The following LRRTM4 variants were observed in gnomAD, a reference collection of about 807,000 sequenced individuals.
LRRTM4 encodes the protein leucine rich repeat transmembrane neuronal 4, also known as leucine-rich repeat transmembrane neuronal protein 4.
Under a neutral mutation model 47.6 loss-of-function variants are expected in LRRTM4, and 25 were observed. The ratio of observed to expected loss-of-function variants is 0.53; its 90% CI spans 0.38 to 0.73. LRRTM4 has a LOEUF of 0.73. Ranked by LOEUF, LRRTM4 falls within the 30% of genes least tolerant of loss-of-function variation. The probability of loss-of-function intolerance (pLI) is 0.00; values close to 1 mark genes in which losing one functional copy is unlikely to be tolerated. For synonymous variants in LRRTM4, 311 were observed against 269.5 expected (o/e 1.15, Z -1.51); for missense variants, 638 against 713.4 (o/e 0.89, Z 1.20).
chr2:77,088,713 G>A (rs1680815411), intron 3 of LRRTM4, among the ~76,000 whole-genome samples: 1 of 152,120 alleles, frequency 6.6e-6, no homozygotes, highest in Non-Finnish European at 1.5e-5. Context: ...ACTTCCCCTA[G>A]GAGATCAATC....
intron 3 of LRRTM4, among the ~76,000 whole-genome samples, chr2:77,076,475 T>TA (rs1680341259): frequency 6.6e-6 from 1 of 152,118 alleles, no homozygotes; most frequent in Non-Finnish European, 1.5e-5. Context: ...AAGCAGTGTA[T>TA]AAAAAACAGA....
At chr2:77,060,677 T>C (rs1679757292) in intron 3 of LRRTM4, among the ~76,000 whole-genome samples, 1 of 152,190 alleles carries the variant, frequency 6.6e-6, no homozygotes, top group African/African-American at 2.4e-5. Context: ...TGAATAGCTC[T>C]AGATCTGGAG....
chr2:77,266,073 T>C (rs1274422788), intron 3 of LRRTM4, among the ~76,000 whole-genome samples: 1 of 152,194 alleles, frequency 6.6e-6, no homozygotes, highest in African/African-American at 2.4e-5. Context: ...CAGTCATGCC[T>C]ACTCATTTAC....
intron 2 of LRRTM4, 100 bp downstream of exon 2, chr2:77,521,566 CTT>C (rs1679499977): frequency 2.2e-6 from 3 of 1,371,638 alleles, no homozygotes; most frequent in African/African-American, 1.4e-5. Flanking sequence ...GGCTGCTGCT[CTT>C]TGCCTGTTTC....
At chr2:77,311,536 T>C (rs1677457852) in intron 3 of LRRTM4, among the ~76,000 whole-genome samples, 3 of 152,220 alleles carry the variant, frequency 2.0e-5, no homozygotes, top group Admixed American at 2.0e-4. Flanking sequence ...ATGGCACTAC[T>C]GCCTGTCTCC....
chr2:77,323,883 A>G (rs2104233164), intron 3 of LRRTM4, among the ~76,000 whole-genome samples: 1 of 152,274 alleles, frequency 6.6e-6, no homozygotes, highest in Admixed American at 6.5e-5. Flanking sequence ...TGGGGACAAT[A>G]ATAGTCCCTA....
chr2:77,431,020 C>G (rs2103905189), intron 3 of LRRTM4, among the ~76,000 whole-genome samples: 1 of 148,962 alleles, frequency 6.7e-6, no homozygotes. Flanking sequence ...CCTTTAGACT[C>G]TGGAACTGGC....
At chr2:77,093,991 T>G (rs11900222) in intron 3 of LRRTM4, among the ~76,000 whole-genome samples, 64,894 of 151,440 alleles carry the variant, frequency 0.43, 17,019 homozygotes, top group African/African-American at 0.72. Flanking sequence ...CCTATAAAAC[T>G]GCCCCACCCC....
chr2:77,331,436 T>C (rs1288565557), intron 3 of LRRTM4, among the ~76,000 whole-genome samples: 1 of 152,152 alleles, frequency 6.6e-6, no homozygotes, highest in African/African-American at 2.4e-5. Context: ...ACTCTAAGAA[T>C]TGGACAGGGA....
intron 3 of LRRTM4, among the ~76,000 whole-genome samples, chr2:77,304,292 GTTAT>G (rs150436926): frequency 0.029 from 4,438 of 152,062 alleles, 211 homozygotes; most frequent in African/African-American, 0.1. Context: ...TTAAAATCAG[GTTAT>G]TTGACTTCTT....
At chr2:77,238,600 G>T (rs1175292540) in intron 3 of LRRTM4, among the ~76,000 whole-genome samples, 1 of 151,990 alleles carries the variant, frequency 6.6e-6, no homozygotes, top group Non-Finnish European at 1.5e-5. Flanking sequence ...ACAGCACGCC[G>T]AGAGATACAT....
chr2:77,349,461 C>T (rs998077879), intron 3 of LRRTM4, among the ~76,000 whole-genome samples: 2 of 151,970 alleles, frequency 1.3e-5, no homozygotes, highest in African/African-American at 4.8e-5. Flanking sequence ...GGAAGTGATA[C>T]TATACTACTG....
intron 3 of LRRTM4, among the ~76,000 whole-genome samples, chr2:77,425,176 A>T (rs1675057471): frequency 8.7e-6 from 1 of 114,652 alleles, no homozygotes; most frequent in African/African-American, 4.2e-5. Flanking sequence ...TTCAGAGTAA[A>T]CCAACATCTG....
chr2:76,976,912 T>G (rs765950502), intron 3 of LRRTM4, among the ~76,000 whole-genome samples: 34 of 151,862 alleles, frequency 2.2e-4, no homozygotes, highest in Non-Finnish European at 4.1e-4. Flanking sequence ...ATTTGATCAT[T>G]AAACATTGTA....
In LRRTM4 at chr2:77,456,992, A is replaced by G. The variant is rs1039202968; in HGVS notation, c.1551+61326T>C. Among the ~76,000 whole-genome samples the G allele has an allele frequency of 1.2e-3, 144 of 123,418 alleles. 1 individual carries two copies. The highest frequency in any genetic ancestry group is 7.8e-4 in the Non-Finnish European group (47 of 60,286). The allele number at this position is 123,418 out of a possible 152,430, so 81.0% of individuals were successfully genotyped here. A position where few individuals can be genotyped will look rare whatever the true frequency, so the allele number is the denominator to read the frequency against. Reference sequence around the variant, plus strand: ...ATATTATAAATGTATATATTAGTGTATGTGTGTGTGTGTATATATATATAT... The same window carrying G: ...ATATTATAAATGTATATATTAGTGTGTGTGTGTGTGTGTATATATATATAT... On this transcript the variant is annotated intron_variant, in intron 3 of 3. Transcript: ENST00000409884.
chr2:76,867,283 T>G (rs1036449248), intron 3 of LRRTM4, among the ~76,000 whole-genome samples: 1 of 152,122 alleles, frequency 6.6e-6, no homozygotes, highest in Admixed American at 6.6e-5. Context: ...CATTAGGATG[T>G]GGTGTGGTGC....
chr2:76,944,338 T>C lies in LRRTM4; in HGVS notation c.1552-195422A>G, dbSNP rs530685090. On this transcript the variant is annotated intron_variant, in intron 3 of 3. Transcript: ENST00000409884. ...GTATAAAATTTTTTCTTAGGGGCTC[T>C]CATGGTACTGTACTTCCCTTATCCC... 2.0e-5 allele frequency among the ~76,000 whole-genome samples: 3 copies of C among 152,266 alleles called. No individual in the cohort carries two copies. The South Asian group carries it at 6.2e-4, about 32-fold the overall frequency.
chr2:77,037,911 T>G (rs1197890103), intron 3 of LRRTM4, among the ~76,000 whole-genome samples: 1 of 151,668 alleles, frequency 6.6e-6, no homozygotes, highest in African/African-American at 2.4e-5. Context: ...ACTTGAGGAT[T>G]CTAGGAGTGA....
chr2:76,776,886 T>C (rs28833559), intron 3 of LRRTM4, among the ~76,000 whole-genome samples: 8 of 142,480 alleles, frequency 5.6e-5, no homozygotes, highest in African/African-American at 1.9e-4. Flanking sequence ...GTTTTTATGG[T>C]TTTAGGTCTA....
Sources: allele counts gnomAD v4.1 joint callset (sites outside exome capture counted in the v4.1 genomes callset), GRCh38; gene constraint gnomAD v4.1.1; transcripts MANE v1.5; gene names NCBI Gene and HGNC (gene_info 2026-07-23, HGNC 2026-07-21).